SRGAP3: variants seen among roughly 807,000 people sequenced by gnomAD.
The protein encoded by SRGAP3 is SLIT-ROBO Rho GTPase-activating protein 3.
In SRGAP3, 39 loss-of-function variants were observed where a neutral mutation model predicts 121.1. The observed-to-expected ratio is 0.32, with a 90% CI of 0.25 to 0.42. The LOEUF (loss-of-function observed/expected upper bound fraction) is 0.42, where lower values mean the gene tolerates loss of function less well. Among genes scored for constraint, SRGAP3 ranks in the 10% least tolerant of loss-of-function variants. SRGAP3 has a pLI of 1.00. For missense variants in SRGAP3, 1,213 were observed against 1,470.6 expected, an observed-to-expected ratio of 0.82 and a Z score of 2.86; for synonymous variants, 601 against 570.0, an observed-to-expected ratio of 1.05 and a Z score of -0.77.
At chr3:9,039,509 A>G (rs1483359530) in intron 10 of SRGAP3, among the ~76,000 whole-genome samples, 1 of 152,224 alleles carries the variant, frequency 6.6e-6, no homozygotes, top group Non-Finnish European at 1.5e-5. Context: ...ATATCATAAA[A>G]TTTACCCATT....
intron 14 of SRGAP3, among the ~76,000 whole-genome samples, chr3:9,022,133 C>T (rs1485205390): frequency 6.6e-6 from 1 of 152,176 alleles, no homozygotes; most frequent in Admixed American, 6.5e-5. Context: ...TGGAGACCAT[C>T]CTGGCCAACA....
chr3:9,010,247 CAA>C, intron 18 of SRGAP3, 59 bp downstream of exon 18: 1 of 1,599,672 alleles, frequency 6.3e-7, no homozygotes, highest in African/African-American at 1.3e-5. Context: ...GTTGGGCTGA[CAA>C]AAGTCAGTGT....
chr3:9,097,323 T>C (rs975547954), intron 3 of SRGAP3, among the ~76,000 whole-genome samples: 2 of 152,178 alleles, frequency 1.3e-5, no homozygotes, highest in Non-Finnish European at 2.9e-5. Flanking sequence ...AGATTGTTTA[T>C]TGTGTACCAG....
intron 1 of SRGAP3, among the ~76,000 whole-genome samples, chr3:9,171,408 T>C (rs1950971281): frequency 6.6e-6 from 1 of 152,148 alleles, no homozygotes; most frequent in Non-Finnish European, 1.5e-5. Flanking sequence ...CTCTCCAAAA[T>C]GGGAATGCCC....
At chr3:9,095,401 G>A (rs943218870) in intron 3 of SRGAP3, among the ~76,000 whole-genome samples, 13 of 152,036 alleles carry the variant, frequency 8.6e-5, no homozygotes, top group African/African-American at 3.1e-4. Flanking sequence ...TCTTTCCAAA[G>A]TCTTGAAGTG....
At chr3:9,078,012 A>G (rs1489959922) in intron 4 of SRGAP3, among the ~76,000 whole-genome samples, 1 of 152,200 alleles carries the variant, frequency 6.6e-6, no homozygotes, top group Non-Finnish European at 1.5e-5. Flanking sequence ...CGGGATATAG[A>G]CAATAAAGAT....
intron 3 of SRGAP3, among the ~76,000 whole-genome samples, chr3:9,281,810 C>T (rs1260086687): frequency 1.3e-5 from 2 of 151,964 alleles, no homozygotes; most frequent in Admixed American, 6.6e-5. Flanking sequence ...GTAGTTGGGA[C>T]TACAGGCATG....
chr3:9,294,554 A>C (rs111767358), intron 3 of SRGAP3, among the ~76,000 whole-genome samples: 60 of 127,708 alleles, frequency 4.7e-4, no homozygotes, highest in East Asian at 9.8e-4. Flanking sequence ...AACAAACAAA[A>C]AAAAACACCA....
rs988060744 is a variant in SRGAP3 at position 9,032,509 on chromosome 3, A to G, written c.1539+141T>C. 7.7e-6 allele frequency: 6 copies of G among 782,180 alleles called. No homozygotes were observed. The African/African-American group carries it at 8.5e-5, about 11-fold the overall frequency. The allele number at this position is 782,180 out of a possible 1,614,324, so 48.5% of individuals were successfully genotyped here. A position where few individuals can be genotyped will look rare whatever the true frequency, so the allele number is the denominator to read the frequency against. Reference sequence around the variant, plus strand: ...AGCTCCCGTGAAAAGTCCTTGCTGAAGCTAAGAGCAGGCTGCAGTGAGGAA... The same window carrying G: ...AGCTCCCGTGAAAAGTCCTTGCTGAGGCTAAGAGCAGGCTGCAGTGAGGAA... On this transcript the variant is annotated intron_variant, in intron 12 of 21. Coordinates refer to ENST00000383836, the MANE Select transcript of SRGAP3 (RefSeq NM_014850.4).
chr3:9,144,375 T>G (rs1949956741), intron 1 of SRGAP3, among the ~76,000 whole-genome samples: 2 of 152,252 alleles, frequency 1.3e-5, no homozygotes, highest in South Asian at 4.1e-4. Flanking sequence ...CTTTTCTGCC[T>G]CAGGGCCTTT....
chr3:9,317,360 T>C (rs912465504), intron 3 of SRGAP3, among the ~76,000 whole-genome samples: 22 of 152,202 alleles, frequency 1.4e-4, no homozygotes, highest in Admixed American at 1.4e-3. Flanking sequence ...ACCGGCTCCA[T>C]GAAGATTTGG....
At chr3:8,991,368 C>A (rs1942047242) in intron 20 of SRGAP3, among the ~76,000 whole-genome samples, 1 of 152,250 alleles carries the variant, frequency 6.6e-6, no homozygotes, top group African/African-American at 2.4e-5. Context: ...GAAGAGGGCT[C>A]CTTCTGCGAG....
intron 1 of SRGAP3, among the ~76,000 whole-genome samples, chr3:9,192,309 T>C (rs1951776573): frequency 6.6e-6 from 1 of 152,150 alleles, no homozygotes; most frequent in Non-Finnish European, 1.5e-5. Flanking sequence ...ATGCTAACAG[T>C]GTAATTCATG....
At chr3:9,361,406 T>G (rs2030814997) in intron 1 of SRGAP3, among the ~76,000 whole-genome samples, 1 of 152,186 alleles carries the variant, frequency 6.6e-6, no homozygotes, top group Admixed American at 6.5e-5. Context: ...TCCCAGCCCC[T>G]TTGCACATTT....
rs111698567 is a variant in SRGAP3 at position 9,275,354 on chromosome 3, A to C, written n.442+50656T>G. ...ATTTTCAGCCTCAGAGTGCCAACCCACTCAGCCAAATAAGAGCCTGGTGTC... is the reference window on the plus strand; with the variant it reads ...ATTTTCAGCCTCAGAGTGCCAACCCCCTCAGCCAAATAAGAGCCTGGTGTC... On this transcript the variant is annotated intron_variant and non_coding_transcript_variant, in intron 3 of 3. Coordinates refer to the SRGAP3 transcript ENST00000490889. Among the ~76,000 whole-genome samples the C allele has an allele frequency of 2.4e-3, 358 of 152,174 alleles. 1 individual carries two copies. Among genetic ancestry groups the C allele is most frequent in the Admixed American group, 4.1e-3 (63 of 15,284 alleles).
At chr3:9,141,613 T>C (rs1485490795) in intron 1 of SRGAP3, among the ~76,000 whole-genome samples, 1 of 151,242 alleles carries the variant, frequency 6.6e-6, no homozygotes, top group Non-Finnish European at 1.5e-5. Context: ...TTCTTTTCTT[T>C]TTAACCTTGT....
intron 10 of SRGAP3, among the ~76,000 whole-genome samples, chr3:9,043,781 G>A (rs1945128926): frequency 6.6e-6 from 1 of 152,078 alleles, no homozygotes; most frequent in Non-Finnish European, 1.5e-5. Context: ...TCTGTGATGG[G>A]CAATTAAAGT....
chr3:9,216,792 T>C (rs1164180516), intron 1 of SRGAP3: 1 of 152,402 alleles, frequency 6.6e-6, no homozygotes, highest in Non-Finnish European at 1.5e-5. Context: ...CGGATGAACG[T>C]GATGCGGCCT....
intron 1 of SRGAP3, among the ~76,000 whole-genome samples, chr3:9,147,555 C>G (rs1214811550): frequency 6.6e-6 from 1 of 152,090 alleles, no homozygotes; most frequent in Non-Finnish European, 1.5e-5. Flanking sequence ...GCCACCTCAG[C>G]TTGTCACTCA....
Sources: gnomAD v4.1 joint callset for allele counts (sites outside exome capture counted in the v4.1 genomes callset) on GRCh38, gnomAD v4.1.1 for gene constraint, MANE v1.5 for transcripts, NCBI Gene and HGNC (gene_info 2026-07-23, HGNC 2026-07-21) for gene names.